Variants in MAMDC2 observed in about 807,000 individuals in gnomAD.
MAMDC2 encodes the protein MAM domain-containing protein 2.
A neutral mutation model predicts 89.8 loss-of-function variants in MAMDC2; 57 were observed. The ratio of observed to expected loss-of-function variants is 0.63; its 90% confidence interval spans 0.51 to 0.79. The LOEUF is 0.79. MAMDC2 is among the 30% of genes least tolerant of loss of function. The pLI is 0.00. For missense variants in MAMDC2, 800 were observed against 820.6 expected (o/e 0.97, Z 0.31); for synonymous variants, 313 against 293.4 (o/e 1.07, Z -0.68).
intron 2 of MAMDC2, among the ~76,000 whole-genome samples, chr9:70,091,703 G>A (rs1397601924): frequency 6.6e-6 from 1 of 152,154 alleles, no homozygotes; most frequent in Non-Finnish European, 1.5e-5. Flanking sequence ...CTGTCCAATT[G>A]TATCATGGGG....
At position 70,220,981 on chromosome 9, in the gene MAMDC2, T is replaced by A. The variant is rs531223898; in HGVS notation, c.1911+2385T>A. The stretch of plus-strand genomic sequence containing the variant: ...CAATATATTCTCACCTAAGTCTCCC[T>A]AGTCACTAATTCATATCACCGTGGC... On this transcript the variant is annotated intron_variant, in intron 12 of 13. Transcript: ENST00000377182. Among the ~76,000 whole-genome samples, 54 of 152,240 alleles carry A rather than the reference T, an allele frequency of 3.5e-4. 1 individual carries two copies. In the South Asian group the frequency reaches 0.011, roughly 31 times the overall value.
chr9:70,046,529 C>T (rs1293954068), intron 2 of MAMDC2, among the ~76,000 whole-genome samples: 1 of 152,210 alleles, frequency 6.6e-6, no homozygotes, highest in Non-Finnish European at 1.5e-5. Flanking sequence ...AGGATGGGGG[C>T]CCCCTCACAG....
rs1288944595 is a variant in MAMDC2 at position 70,068,754 on chromosome 9, G to C, written c.148+24057G>C. Among the ~76,000 whole-genome samples the C allele has an allele frequency of 4.7e-5, 7 of 149,190 alleles. No homozygotes were observed. The East Asian group carries it at 1.4e-3, about 29-fold the overall frequency. ...AAAAAAAAAAAAAAAAGGCAATAGG[G>C]AACAGGAAACAAACATCTAAATTCC... On this transcript the variant is annotated intron_variant, in intron 2 of 13. Transcript: ENST00000377182.
intron 5 of MAMDC2, among the ~76,000 whole-genome samples, chr9:70,118,391 G>A (rs928901031): frequency 6.7e-6 from 1 of 150,254 alleles, no homozygotes; most frequent in Admixed American, 6.6e-5. Flanking sequence ...CCCCTATAGA[G>A]GATAGGGCCA....
intron 2 of MAMDC2, among the ~76,000 whole-genome samples, chr9:70,061,274 T>TCACACA (rs1176737423): frequency 1.3e-5 from 2 of 152,174 alleles, no homozygotes; most frequent in Non-Finnish European, 2.9e-5. Context: ...AGTTCACAAA[T>TCACACA]GAGGAAGCAG....
intron 4 of MAMDC2, among the ~76,000 whole-genome samples, chr9:70,112,280 T>C (rs1219793937): frequency 2.6e-5 from 4 of 152,140 alleles, no homozygotes; most frequent in Non-Finnish European, 5.9e-5. Flanking sequence ...GACCAATATA[T>C]CCATGCAAAC....
At chr9:70,138,816 G>C (rs1469298686) in intron 7 of MAMDC2, among the ~76,000 whole-genome samples, 1 of 152,110 alleles carries the variant, frequency 6.6e-6, no homozygotes, top group Non-Finnish European at 1.5e-5. Flanking sequence ...ACCCATGACA[G>C]AACTGTGACT....
intron 2 of MAMDC2, among the ~76,000 whole-genome samples, chr9:70,085,158 T>G (rs1827739528): frequency 6.6e-6 from 1 of 152,006 alleles, no homozygotes; most frequent in South Asian, 2.1e-4. Context: ...GTTCCCAAAT[T>G]AGGTGCGATA....
intron 2 of MAMDC2, among the ~76,000 whole-genome samples, chr9:70,071,393 A>T (rs1827404984): frequency 6.6e-6 from 1 of 152,202 alleles, no homozygotes; most frequent in African/African-American, 2.4e-5. Context: ...TAAGGAACCA[A>T]GCATGAATCA....
intron 11 of MAMDC2, among the ~76,000 whole-genome samples, chr9:70,182,153 AC>A (rs1443938163): frequency 6.6e-6 from 1 of 152,204 alleles, no homozygotes; most frequent in African/African-American, 2.4e-5. Context: ...GTGATGGATT[AC>A]ATTTATTGAT....
intron 11 of MAMDC2, among the ~76,000 whole-genome samples, 198 bp from the exon 12 acceptor site, chr9:70,218,134 AAATTT>A (rs1564004025): frequency 6.6e-6 from 1 of 152,248 alleles, no homozygotes; most frequent in African/African-American, 2.4e-5. Flanking sequence ...ATAAATCATT[AAATTT>A]AAGAAATCAT....
At chr9:70,140,931 G>A (rs776416607) in intron 8 of MAMDC2, among the ~76,000 whole-genome samples, 1 of 152,158 alleles carries the variant, frequency 6.6e-6, no homozygotes, top group Non-Finnish European at 1.5e-5. Context: ...CTTGTGTAGG[G>A]ATTACCTATT....
At chr9:70,066,617 C>T (rs1460416450) in intron 2 of MAMDC2, among the ~76,000 whole-genome samples, 1 of 152,162 alleles carries the variant, frequency 6.6e-6, no homozygotes, top group African/African-American at 2.4e-5. Flanking sequence ...AGGTTGTTCG[C>T]TACCCAAAGG....
At chr9:70,172,737 T>C (rs2032388368) in intron 11 of MAMDC2, 1 of 152,958 alleles carries the variant, frequency 6.5e-6, no homozygotes, top group Non-Finnish European at 1.5e-5. Context: ...CTTCAGCAGA[T>C]TCTGGGACAA....
At chr9:70,184,482 A>C (rs571104624) in intron 11 of MAMDC2, among the ~76,000 whole-genome samples, 2 of 152,244 alleles carry the variant, frequency 1.3e-5, no homozygotes, top group African/African-American at 4.8e-5. Flanking sequence ...ATGTTTTCCA[A>C]CTTGGTTCCA....
chr9:70,058,356 C>G (rs897375790), intron 2 of MAMDC2, among the ~76,000 whole-genome samples: 1 of 152,134 alleles, frequency 6.6e-6, no homozygotes, highest in Non-Finnish European at 1.5e-5. Flanking sequence ...AAGAACATAA[C>G]CATTCTGCTT....
chr9:70,201,907 T>C lies in MAMDC2; in HGVS notation c.1652-16430T>C, dbSNP rs996853213. On this transcript the variant is annotated intron_variant, in intron 11 of 13. Coordinates refer to ENST00000377182, the MANE Select transcript of MAMDC2 (RefSeq NM_153267.5). ...GTGGGATCGGTGGTGATATCCCCTT[T>C]ATCATTTTTTATTGTGTCTATTTGA... 4.0e-3 allele frequency among the ~76,000 whole-genome samples: 568 copies of C among 142,102 alleles called. 2 individuals are homozygous for C. The highest frequency in any genetic ancestry group is 0.014 in the African/African-American group (542 of 37,914). 93.2% of individuals were successfully genotyped at this position (142,102 alleles called of 152,430 possible).
intron 11 of MAMDC2, among the ~76,000 whole-genome samples, chr9:70,173,980 T>C (rs957038127): frequency 6.6e-6 from 1 of 152,202 alleles, no homozygotes; most frequent in African/African-American, 2.4e-5. Flanking sequence ...GTGGTTGAAT[T>C]TAAAAACTGA....
chr9:70,133,156 A>G (rs533410440), intron 7 of MAMDC2, among the ~76,000 whole-genome samples: 1 of 152,126 alleles, frequency 6.6e-6, no homozygotes, highest in Non-Finnish European at 1.5e-5. Flanking sequence ...TCTTTTTTCT[A>G]TCACTAGGCA....
Sources: gnomAD v4.1 joint callset for allele counts (sites outside exome capture counted in the v4.1 genomes callset) on GRCh38, gnomAD v4.1.1 for gene constraint, MANE v1.5 for transcripts, NCBI Gene and HGNC (gene_info 2026-07-23, HGNC 2026-07-21) for gene names.